INTS10: variants seen among roughly 807,000 people sequenced by gnomAD.
INTS10 encodes the protein chromosome 8 open reading frame 35.
A neutral mutation model predicts 94.4 loss-of-function variants in INTS10; 44 were observed. The ratio of observed to expected loss-of-function variants is 0.47; its 90% CI spans 0.37 to 0.60. The LOEUF (loss-of-function observed/expected upper bound fraction) is 0.60, where lower values mean the gene tolerates loss of function less well. Ranked by LOEUF, INTS10 falls within the 20% of genes least tolerant of loss-of-function variation. The probability of loss-of-function intolerance (pLI) is 0.00; values close to 1 mark genes in which losing one functional copy is unlikely to be tolerated. For missense variants in INTS10, 797 were observed against 868.7 expected (o/e 0.92, Z 1.04); for synonymous variants, 341 against 320.7 (o/e 1.06, Z -0.68).
In INTS10 at chr8:19,822,520, G is replaced by T; in HGVS notation, c.523G>T (p.Val175Phe). Residue 175 changes from valine to phenylalanine, a missense_variant and splice_region_variant, in exon 5 of 17, where the codon GTT (valine) becomes TTT (phenylalanine). By Grantham distance (50) the Val-to-Phe change is conservative. Coordinates refer to ENST00000397977, the MANE Select transcript of INTS10 (RefSeq NM_018142.4). The stretch of plus-strand genomic sequence containing the variant: ...AGTGAACTGCTTTAGAAAATTATTT[G>T]GTAAGGAAAATTGTATTCTCTATTA... ...SPVNCFRKLF[V>F]CDVLPLIINN... 1 of 1,577,712 alleles carries T rather than the reference G, an allele frequency of 6.3e-7. No homozygotes were observed. The highest frequency in any genetic ancestry group is 1.1e-5 in the South Asian group (1 of 90,176).
At position 19,842,900 on chromosome 8, in the gene INTS10, C is replaced by T; in HGVS notation, c.1692C>T (p.Cys564=). 2 of 1,611,584 alleles carry T rather than the reference C, an allele frequency of 1.2e-6. No homozygotes were observed. The highest frequency in any genetic ancestry group is 4.5e-5 in the East Asian group (2 of 44,846). The part of the protein sequence containing the change: ...PCTSKAIMPY[C]LHLMLACFKL... ...CCAGCAAGGCTATCATGCCATACTG[C>T]CTCCATTTAATGTTAGCCTGTTTTA... The change falls in exon 14 of 17, where the codon TGC becomes TGT. Residue 564 remains cysteine, a synonymous_variant. Coordinates refer to ENST00000397977, the MANE Select transcript of INTS10 (RefSeq NM_018142.4).
chr8:19,842,640 GA>G lies in INTS10; in HGVS notation c.1640-206del, dbSNP rs150998814. ...AAAGTATTTAAGCAAGTTTAGGAAA[GA>G]ATATTGATAAATGAAATCTAGAGAC... On this transcript the variant is annotated intron_variant, in intron 13 of 16. Transcript: ENST00000397977. Among the ~76,000 whole-genome samples the G allele has an allele frequency of 5.8e-3, 880 of 152,302 alleles. 9 individuals carry two copies. Among genetic ancestry groups the G allele is most frequent in the African/African-American group, 0.02 (835 of 41,560 alleles).
rs776755871 is a variant in INTS10, at chr8:19,844,256, T to C, written c.1882+18T>C. ...CGTTACAAGTATCCTTTTTTCTTGT[T>C]TAAGCATAACACATTCTGATTTTCT... On this transcript the variant is annotated intron_variant, in intron 15 of 16. Transcript: ENST00000397977. 4 of 1,551,120 alleles carry C rather than the reference T, an allele frequency of 2.6e-6. No homozygotes were observed. The South Asian group carries it at 4.5e-5, about 17-fold the overall frequency.
intron 12 of INTS10, among the ~76,000 whole-genome samples, chr8:19,834,285 A>C (rs11994564): frequency 0.076 from 11,595 of 152,254 alleles, 462 homozygotes; most frequent in South Asian, 0.11. Context: ...CTTTGTGATT[A>C]AAATCCCTAA....
At chr8:19,823,551 G>A (rs1266573619) in intron 6 of INTS10, 110 bp downstream of exon 6, 4 of 807,910 alleles carry the variant, frequency 5.0e-6, no homozygotes, top group Non-Finnish European at 7.9e-6. Flanking sequence ...ACCAGTTTGG[G>A]AGTGTTTCAA....
At chr8:19,821,978 C>G (rs1057044432) in intron 4 of INTS10, 1 of 152,818 alleles carries the variant, frequency 6.5e-6, no homozygotes, top group African/African-American at 2.4e-5. Context: ...ACTTTTCTGT[C>G]CATTCTACAC....
intron 1 of INTS10, 85 bp from the exon 2 acceptor site, chr8:19,818,190 G>GCT: frequency 7.6e-7 from 1 of 1,312,802 alleles, no homozygotes. Flanking sequence ...CTCCCTTCCT[G>GCT]CAGGAGGGCC....
chr8:19,845,535 A>G (rs1188643786), intron 15 of INTS10, 169 bp from the exon 16 acceptor site: 5 of 608,152 alleles, frequency 8.2e-6, no homozygotes, highest in Admixed American at 2.8e-5. Context: ...TGGGGTAGCA[A>G]TGGGCAAGTT....
intron 9 of INTS10, among the ~76,000 whole-genome samples, chr8:19,829,927 C>G (rs1464531017): frequency 6.6e-6 from 1 of 152,148 alleles, no homozygotes; most frequent in Non-Finnish European, 1.5e-5. Flanking sequence ...CTCGGCCTCC[C>G]GAAGTGCTGG....
chr8:19,824,752 G>A, intron 7 of INTS10, 51 bp from the exon 8 acceptor site: 1 of 1,356,868 alleles, frequency 7.4e-7, no homozygotes, highest in Non-Finnish European at 1.0e-6. Context: ...TAGACTTCTT[G>A]CTGACCAGCC....
Position 19,826,623 on chromosome 8 carries a change from G to A in INTS10, c.1140+64G>A. On this transcript the variant is annotated intron_variant, in intron 9 of 16. Coordinates refer to ENST00000397977, the MANE Select transcript of INTS10 (RefSeq NM_018142.4). ...GACGCTTTGCTAGAGATGAATCTTTGTAAAATATGGCTTTGGAGCTAAATC... is the reference window on the plus strand; with the variant it reads ...GACGCTTTGCTAGAGATGAATCTTTATAAAATATGGCTTTGGAGCTAAATC... The A allele has an allele frequency of 4.1e-6, 6 of 1,451,530 alleles. No homozygotes were observed. The South Asian group carries it at 7.7e-5, about 19-fold the overall frequency. The allele number at this position is 1,451,530 out of a possible 1,614,324, so 89.9% of individuals were successfully genotyped here.
At chr8:19,826,213 G>A (rs1258434098) in intron 8 of INTS10, among the ~76,000 whole-genome samples, 9 of 152,090 alleles carry the variant, frequency 5.9e-5, no homozygotes, top group Non-Finnish European at 2.9e-5. Context: ...CCGAGTAGCC[G>A]GGATTAACAG....
rs1017613112 is a variant in INTS10, at chr8:19,825,049, C to T, written c.1006+77C>T. On this transcript the variant is annotated intron_variant, in intron 8 of 16. Coordinates refer to ENST00000397977, the MANE Select transcript of INTS10 (RefSeq NM_018142.4). ...TGGTAAGGAAAATGAAAGTGTTTATCCAGTATTGCTGGATCCGAATAACTG... is the reference window on the plus strand; with the variant it reads ...TGGTAAGGAAAATGAAAGTGTTTATTCAGTATTGCTGGATCCGAATAACTG... The T allele has an allele frequency of 3.3e-6, 4 of 1,213,012 alleles. No homozygotes were observed. In the South Asian group the frequency reaches 5.0e-5, roughly 15 times the overall value. The allele number at this position is 1,213,012 out of a possible 1,614,324, so 75.1% of individuals were successfully genotyped here. A position where few individuals can be genotyped will look rare whatever the true frequency, so the allele number is the denominator to read the frequency against.
At chr8:19,818,422 TG>T in intron 2 of INTS10, 80 bp downstream of exon 2, 2 of 1,398,822 alleles carry the variant, frequency 1.4e-6, no homozygotes, top group Non-Finnish European at 1.0e-6. Flanking sequence ...AAGTGGGAGT[TG>T]GGGGAAGATC....
chr8:19,829,986 C>T (rs1299014468), intron 9 of INTS10, among the ~76,000 whole-genome samples: 1 of 152,038 alleles, frequency 6.6e-6, no homozygotes, highest in Non-Finnish European at 1.5e-5. Context: ...TAATTTTATC[C>T]CAGTACATGC....
chr8:19,835,860 C>T (rs1247960559), intron 12 of INTS10, among the ~76,000 whole-genome samples: 1 of 152,182 alleles, frequency 6.6e-6, no homozygotes, highest in East Asian at 1.9e-4. Flanking sequence ...TGAGCAGCCA[C>T]ACACAGGTTA....
intron 16 of INTS10, among the ~76,000 whole-genome samples, chr8:19,847,714 C>T (rs1421271358): frequency 6.6e-6 from 1 of 152,178 alleles, no homozygotes; most frequent in Non-Finnish European, 1.5e-5. Context: ...CTTTCTTCTT[C>T]TACCAGTTTT....
In INTS10 at chr8:19,826,468, A is replaced by G; in HGVS notation, c.1049A>G (p.Asp350Gly). The G allele has an allele frequency of 6.2e-7, 1 of 1,612,798 alleles. No individual in the cohort carries two copies. The highest frequency in any genetic ancestry group is 8.5e-7 in the Non-Finnish European group (1 of 1,179,614). ...CAAGTTCCACTGGTTCTTCTTGAAG[A>G]TGTATCGAATGTGTATGGTGATGTA... ...PSQVPLVLLEDVSNVYGDVEI... is the reference protein window; with the variant it reads ...PSQVPLVLLEGVSNVYGDVEI... Residue 350 changes from aspartate (D) to glycine (G), a missense_variant, in exon 9 of 17, where the codon GAT becomes GGT. Transcript: ENST00000397977.
At chr8:19,819,795 A>G in intron 3 of INTS10, 119 bp downstream of exon 3, 1 of 693,064 alleles carries the variant, frequency 1.4e-6, no homozygotes, top group Admixed American at 2.5e-5. Context: ...TATTCTTGGC[A>G]ACCAAAGTCT....
Sources: allele counts gnomAD v4.1 joint callset (sites outside exome capture counted in the v4.1 genomes callset), GRCh38; gene constraint gnomAD v4.1.1; transcripts MANE v1.5; gene names NCBI Gene and HGNC (gene_info 2026-07-23, HGNC 2026-07-21).